The following NBPF12 variants were observed in gnomAD, a reference collection of about 807,000 sequenced individuals.
NBPF12 encodes the protein NBPF member 12.
Under a neutral mutation model 146.4 loss-of-function variants are expected in NBPF12, and 115 were observed. The ratio of observed to expected loss-of-function variants is 0.79; its 90% CI spans 0.68 to 0.92. NBPF12 has a LOEUF of 0.92. NBPF12 is among the 40% of genes least tolerant of loss of function. The pLI is 0.00. For missense variants in NBPF12, 1,205 were observed against 1,326.8 expected (o/e 0.91, Z 1.43); for synonymous variants, 385 against 508.9 (o/e 0.76, Z 3.28).
At chr1:146,940,922 C>T (rs1431488759) in intron 1 of NBPF12, among the ~76,000 whole-genome samples, 26 of 151,906 alleles carry the variant, frequency 1.7e-4, no homozygotes, top group Admixed American at 1.1e-3. Flanking sequence ...CCTGTTAAAT[C>T]TTTTTATCCA....
upstream of NBPF12, among the ~76,000 whole-genome samples, chr1:146,948,098 C>A (rs1655151624): frequency 6.6e-6 from 1 of 151,920 alleles, no homozygotes; most frequent in Non-Finnish European, 1.5e-5. Flanking sequence ...GCAACCTCCA[C>A]CTCCTGAGTT....
chr1:146,966,560 A>G (rs1387104909), exon 9 of NBPF12: 7 of 1,395,616 alleles, frequency 5.0e-6, no homozygotes, highest in East Asian at 4.6e-5. Flanking sequence ...CTAGAAATCA[A>G]TGAGAAGTTG....
At chr1:146,965,927 G>A (rs1352662443) in intron 8 of NBPF12, among the ~76,000 whole-genome samples, 7 of 150,192 alleles carry the variant, frequency 4.7e-5, no homozygotes, top group Non-Finnish European at 8.8e-5. Flanking sequence ...GTCCAAGATG[G>A]CGAAACCCCA....
rs1329063582 is a variant in NBPF12 at position 146,981,312 on chromosome 1, T to C, written c.2451-1616T>C. On this transcript the variant is annotated intron_variant, in intron 19 of 33. Coordinates refer to ENST00000617844, the Ensembl canonical transcript of NBPF12. ...AAAAAAAAATATATATATATATATA[T>C]ATACATACACACAAAAAATAATAAA... Among the ~76,000 whole-genome samples, 38 of 140,318 alleles carry C rather than the reference T, an allele frequency of 2.7e-4. No individual in the cohort carries two copies. In the South Asian group the frequency reaches 6.8e-3, roughly 25 times the overall value. 92.1% of individuals were successfully genotyped at this position (140,318 alleles called of 152,430 possible).
chr1:146,962,240 G>T, exon 5 of NBPF12: 1 of 1,605,854 alleles, frequency 6.2e-7, no homozygotes, highest in Non-Finnish European at 8.5e-7. Context: ...TTGCAGAGCA[G>T]CTGAAACAAG....
chr1:146,967,619 G>T (rs1333938268), intron 9 of NBPF12, among the ~76,000 whole-genome samples: 4 of 150,648 alleles, frequency 2.7e-5, no homozygotes, highest in Admixed American at 2.0e-4. Flanking sequence ...GATCGCACCC[G>T]AGAATGTGTG....
chr1:146,971,537 C>G, intron 13 of NBPF12, 143 bp downstream of exon 16: 1 of 759,898 alleles, frequency 1.3e-6, no homozygotes, highest in Non-Finnish European at 2.1e-6. Context: ...CACATATAAT[C>G]ACAGCACTTT....
chr1:146,944,629 T>G (rs1380887241), upstream of NBPF12, among the ~76,000 whole-genome samples: 1 of 151,736 alleles, frequency 6.6e-6, no homozygotes, highest in Non-Finnish European at 1.5e-5. Context: ...AGGAATAATG[T>G]GTTTCAGGAG....
chr1:146,992,666 G>C, intron 31 of NBPF12, 46 bp from the exon 35 acceptor site: 1 of 763,452 alleles, frequency 1.3e-6, no homozygotes, highest in Non-Finnish European at 2.4e-6. Context: ...GCTCTGTTGT[G>C]TCTGATTTCC....
chr1:146,994,405 C>G (rs1553890047), exon 34 of NBPF12: 3 of 1,612,156 alleles, frequency 1.9e-6, no homozygotes, highest in East Asian at 2.2e-5. Flanking sequence ...TTATTCGACT[C>G]CATCAATGTA....
At chr1:146,952,487 A>G (rs1427770717) in intron 2 of NBPF12, among the ~76,000 whole-genome samples, 8 of 151,868 alleles carry the variant, frequency 5.3e-5, no homozygotes, top group Non-Finnish European at 1.2e-4. Flanking sequence ...GGCCCTTTAT[A>G]ATACAACTGT....
At chr1:146,994,723 A>G in exon 34 of NBPF12, 2 of 1,353,554 alleles carry the variant, frequency 1.5e-6, no homozygotes, top group East Asian at 2.4e-5. Context: ...AGAGCATGCC[A>G]GTGGCAACCT....
At chr1:146,984,279 G>C (rs1474175995) in intron 21 of NBPF12, 94 bp downstream of exon 24, 2 of 822,616 alleles carry the variant, frequency 2.4e-6, no homozygotes, top group African/African-American at 1.7e-5. Context: ...TAATGATTTT[G>C]TCTTGTCAGA....
intron 2 of NBPF12, among the ~76,000 whole-genome samples, chr1:146,944,010 T>C (rs1467788775): frequency 1.0e-3 from 124 of 124,428 alleles, no homozygotes; most frequent in African/African-American, 4.0e-3. Context: ...GGTGGGGAGA[T>C]GTGTGTGGTT....
In NBPF12 at chr1:146,973,039, A is replaced by G. The variant is rs1350675775; in HGVS notation, c.1801+79A>G. 9.1e-6 allele frequency: 7 copies of G among 772,004 alleles called. No individual in the cohort carries two copies. In the South Asian group the frequency reaches 9.5e-5, roughly 11 times the overall value. 47.8% of individuals were successfully genotyped at this position (772,004 alleles called of 1,614,324 possible). ...CTCTGAGAAACTAAGTGCTCTCTCC[A>G]TCAAAAATAATGTCATCCTCCCCAT... On this transcript the variant is annotated intron_variant, in intron 14 of 33. Transcript: ENST00000617844.
At chr1:146,962,996 G>T (rs1655959650) in intron 5 of NBPF12, 99 bp from the exon 9 acceptor site, 9 of 1,038,140 alleles carry the variant, frequency 8.7e-6, no homozygotes, top group South Asian at 5.2e-5. Flanking sequence ...CTGCTTGAAG[G>T]TCTCCTTGAG....
intron 1 of NBPF12, among the ~76,000 whole-genome samples, chr1:146,950,488 G>A (rs1406867082): frequency 6.6e-6 from 1 of 151,602 alleles, no homozygotes; most frequent in Non-Finnish European, 1.5e-5. Context: ...AAATGGAGCT[G>A]GGCAAAATCC....
upstream of NBPF12, among the ~76,000 whole-genome samples, chr1:146,946,200 C>G (rs1300849464): frequency 4.6e-5 from 7 of 151,570 alleles, no homozygotes; most frequent in South Asian, 1.5e-3. Context: ...TGAAAGACGT[C>G]TTGGGTACTT....
intron 4 of NBPF12, 37 bp downstream of exon 7, chr1:146,960,355 A>C: frequency 6.7e-7 from 1 of 1,484,594 alleles, no homozygotes; most frequent in South Asian, 1.1e-5. Context: ...AAAGTGATGA[A>C]TGATGTCCTG....
Sources: allele counts gnomAD v4.1 joint callset (sites outside exome capture counted in the v4.1 genomes callset), GRCh38; gene constraint gnomAD v4.1.1; transcripts MANE v1.5; gene names NCBI Gene and HGNC (gene_info 2026-07-23, HGNC 2026-07-21).